Variants in EPHA7 observed in about 807,000 individuals in gnomAD.
EPHA7 encodes the protein ephrin type-A receptor 7.
EPHA7 carries 25 observed loss-of-function variants against 112.6 expected under a neutral mutation model. That is an observed-to-expected ratio of 0.22 (90% CI 0.16 to 0.31). The LOEUF (loss-of-function observed/expected upper bound fraction) is 0.31, where lower values mean the gene tolerates loss of function less well. Among genes scored for constraint, EPHA7 ranks in the 10% least tolerant of loss-of-function variants. The pLI, the probability that EPHA7 is intolerant of heterozygous loss-of-function variation, is 1.00. For missense variants in EPHA7, 962 were observed against 1,212.6 expected (o/e 0.79, Z 3.07); for synonymous variants, 437 against 406.5 (o/e 1.07, Z -0.90).
At position 93,254,770 on chromosome 6, in the gene EPHA7, T is replaced by G; in HGVS notation, c.2409A>C (p.Thr803=). The G allele has an allele frequency of 6.2e-7, 1 of 1,612,482 alleles. No individual in the cohort carries two copies. Among genetic ancestry groups the G allele is most frequent in the African/African-American group, 1.3e-5 (1 of 75,026 alleles). ...TCCGGTACTGGATGGCTTCGGGTGC[T>G]GTCCACCTTACTGGAATTTTTCCAC... ...TTGGKIPVRW[T]APEAIQYRKF... is the part of the protein sequence containing the mutation. The change falls in exon 14 of 17, where the codon ACA becomes ACC. Residue 803 remains threonine (T), a synonymous_variant. Coordinates refer to ENST00000369303, the MANE Select transcript of EPHA7 (RefSeq NM_004440.4).
chr6:93,416,118 T>C (rs79397738), intron 1 of EPHA7, among the ~76,000 whole-genome samples: 2,909 of 152,238 alleles, frequency 0.019, 100 homozygotes, highest in African/African-American at 0.067. Flanking sequence ...TCAGAAACAT[T>C]TGACTCCCTT....
chr6:93,363,107 C>T (rs142787782), intron 3 of EPHA7, among the ~76,000 whole-genome samples: 355 of 152,188 alleles, frequency 2.3e-3, no homozygotes, highest in African/African-American at 8.1e-3. Context: ...CATGGCTGAA[C>T]ATTAGGAAGG....
intron 5 of EPHA7, among the ~76,000 whole-genome samples, chr6:93,306,233 T>A (rs750726470): frequency 5.9e-5 from 9 of 151,962 alleles, no homozygotes; most frequent in Non-Finnish European, 1.2e-4. Context: ...TTTATTTTGC[T>A]GATAGGCCAG....
intron 3 of EPHA7, among the ~76,000 whole-genome samples, chr6:93,405,809 G>GTATA (rs1778679029): frequency 1.6e-5 from 1 of 61,622 alleles, no homozygotes; most frequent in African/African-American, 8.7e-5. Context: ...GTGTGTGTGT[G>GTATA]TGTGTATATA....
At chr6:93,348,484 T>C (rs1775521076) in intron 5 of EPHA7, among the ~76,000 whole-genome samples, 1 of 151,852 alleles carries the variant, frequency 6.6e-6, no homozygotes, top group African/African-American at 2.4e-5. Flanking sequence ...TCAACAAGCT[T>C]TCAAAATATG....
At chr6:93,293,113 C>T (rs1310111155) in intron 5 of EPHA7, among the ~76,000 whole-genome samples, 5 of 151,630 alleles carry the variant, frequency 3.3e-5, no homozygotes, top group South Asian at 2.1e-4. Context: ...AAATCATACA[C>T]ATTTAAGAAT....
intron 3 of EPHA7, among the ~76,000 whole-genome samples, chr6:93,403,413 GA>G (rs1332437059): frequency 6.6e-6 from 1 of 151,508 alleles, no homozygotes; most frequent in Non-Finnish European, 1.5e-5. Flanking sequence ...TCTTTAAGAG[GA>G]AAAGACAAGG....
At chr6:93,310,377 A>G (rs564468856) in intron 5 of EPHA7, among the ~76,000 whole-genome samples, 2 of 152,350 alleles carry the variant, frequency 1.3e-5, no homozygotes, top group African/African-American at 4.8e-5. Context: ...CTTAAAAAAC[A>G]AAACAAAGGC....
intron 3 of EPHA7, among the ~76,000 whole-genome samples, chr6:93,407,634 C>A (rs1016277940): frequency 8.5e-5 from 13 of 152,096 alleles, no homozygotes; most frequent in South Asian, 4.1e-4. Flanking sequence ...CCTCCTTTAA[C>A]CGTGTATTTT....
chr6:93,293,391 A>G (rs1284965191), intron 5 of EPHA7, among the ~76,000 whole-genome samples: 1 of 152,164 alleles, frequency 6.6e-6, no homozygotes, highest in Non-Finnish European at 1.5e-5. Context: ...TTGCAATATG[A>G]GATAAGCTTC....
chr6:93,334,100 C>T (rs55930306), intron 5 of EPHA7, among the ~76,000 whole-genome samples: 8,882 of 151,890 alleles, frequency 0.058, 329 homozygotes, highest in African/African-American at 0.11. Flanking sequence ...AGAAATAAAG[C>T]TGCACACCTA....
intron 7 of EPHA7, among the ~76,000 whole-genome samples, chr6:93,269,173 C>T (rs1196684732): frequency 3.3e-5 from 5 of 151,724 alleles, no homozygotes; most frequent in African/African-American, 1.2e-4. Flanking sequence ...GGTCGACAAA[C>T]ACATCTTGTG....
chr6:93,271,523 A>G (rs1771217329), intron 6 of EPHA7, among the ~76,000 whole-genome samples: 1 of 151,926 alleles, frequency 6.6e-6, no homozygotes, highest in Non-Finnish European at 1.5e-5. Flanking sequence ...CAAACCTTGC[A>G]CTGAGTCTGT....
At chr6:93,256,143 G>C (rs1770432953) in intron 12 of EPHA7, 106 bp from the exon 13 acceptor site, 6 of 948,098 alleles carry the variant, frequency 6.3e-6, no homozygotes, top group Non-Finnish European at 9.4e-6. Context: ...TGTATAATAG[G>C]AATTGTTAAT....
At chr6:93,343,619 A>T (rs904269715) in intron 5 of EPHA7, among the ~76,000 whole-genome samples, 3 of 151,658 alleles carry the variant, frequency 2.0e-5, no homozygotes, top group African/African-American at 7.3e-5. Flanking sequence ...CCAGTTAGTA[A>T]CTTAATCCCA....
chr6:93,358,391 T>C lies in EPHA7; in HGVS notation c.853A>G (p.Lys285Glu), dbSNP rs1169442219. 1.2e-6 allele frequency: 2 copies of C among 1,610,772 alleles called. No individual in the cohort carries two copies. The highest frequency in any genetic ancestry group is 1.7e-6 in the Non-Finnish European group (2 of 1,178,174). ...TCEPCGRGFY[K>E]SSSQDLQCSR... ...CACTGAAGATCTTGAGAGGAAGACT[T>C]GTAGAACCCACGGCCACAGGCTGGG... The change falls in exon 4 of 17, where the codon AAG (lysine) becomes GAG (glutamate). Residue 285 changes from lysine to glutamate, a missense_variant. By Grantham distance (56) the Lys-to-Glu change is moderately conservative. Transcript: ENST00000369303.
chr6:93,290,997 C>T (rs1476730910), intron 5 of EPHA7, among the ~76,000 whole-genome samples: 5 of 152,164 alleles, frequency 3.3e-5, no homozygotes, highest in Non-Finnish European at 7.3e-5. Context: ...GTTGCAAATA[C>T]TACTCTGTAG....
chr6:93,241,330 A>C lies in EPHA7; in HGVS notation c.*2096T>G, dbSNP rs144055555. 1 of 217,820 alleles carries C rather than the reference A, an allele frequency of 4.6e-6. No individual in the cohort carries two copies. Among genetic ancestry groups the C allele is most frequent in the African/African-American group, 2.2e-5 (1 of 44,680 alleles). The allele number at this position is 217,820 out of a possible 1,614,324, so 13.5% of individuals were successfully genotyped here. A position where few individuals can be genotyped will look rare whatever the true frequency, so the allele number is the denominator to read the frequency against. On this transcript the variant is annotated 3_prime_UTR_variant, in exon 17 of 17. Coordinates refer to ENST00000369303, the MANE Select transcript of EPHA7 (RefSeq NM_004440.4). ...CTTTCACTCATTCTCACAAAGGCCA[A>C]TGCTACTGATTAGAATTGTAAAGTG...
At chr6:93,387,065 A>C (rs1777643096) in intron 3 of EPHA7, among the ~76,000 whole-genome samples, 1 of 152,052 alleles carries the variant, frequency 6.6e-6, no homozygotes, top group Admixed American at 6.6e-5. Context: ...CTTATTACTT[A>C]TGCAAATTTC....
Sources: allele counts gnomAD v4.1 joint callset (sites outside exome capture counted in the v4.1 genomes callset), GRCh38; gene constraint gnomAD v4.1.1; transcripts MANE v1.5; gene names NCBI Gene and HGNC (gene_info 2026-07-23, HGNC 2026-07-21).